Variants in OSTF1 observed in about 807,000 individuals in gnomAD.
OSTF1 encodes the protein osteoclast stimulating factor 1.
Under a neutral mutation model 37.2 loss-of-function variants are expected in OSTF1, and 27 were observed. That is an observed-to-expected ratio of 0.73 (90% CI 0.54 to 1.00). The LOEUF (loss-of-function observed/expected upper bound fraction) is 1.00, where lower values mean the gene tolerates loss of function less well. OSTF1 is among the 50% of genes least tolerant of loss of function. The pLI is 0.00. For synonymous variants in OSTF1, 82 were observed against 89.2 expected (o/e 0.92, Z 0.46); for missense variants, 232 against 253.8 (o/e 0.91, Z 0.58).
At chr9:75,140,562 C>A (rs892884107) in intron 8 of OSTF1, among the ~76,000 whole-genome samples, 68 of 152,180 alleles carry the variant, frequency 4.5e-4, no homozygotes, top group African/African-American at 1.6e-3. Flanking sequence ...CCACAGGGAC[C>A]ATAAACTCCT....
At chr9:75,111,568 A>C (rs1163707791) in intron 1 of OSTF1, among the ~76,000 whole-genome samples, 1 of 152,168 alleles carries the variant, frequency 6.6e-6, no homozygotes, top group Non-Finnish European at 1.5e-5. Context: ...AGCCTCAGAC[A>C]AAAGATTGGG....
intron 1 of OSTF1, among the ~76,000 whole-genome samples, chr9:75,108,334 T>TTAGTATTGG (rs144489393): frequency 0.13 from 19,166 of 151,944 alleles, 1,646 homozygotes; most frequent in African/African-American, 0.23. Context: ...ATGTGTGCCT[T>TTAGTATTGG]TCTGATTTGC....
chr9:75,090,455 A>G (rs976158834), intron 1 of OSTF1, among the ~76,000 whole-genome samples: 2 of 152,164 alleles, frequency 1.3e-5, no homozygotes, highest in Non-Finnish European at 2.9e-5. Flanking sequence ...ATGGTTAAAC[A>G]TGACAGGTGT....
Position 75,146,827 on chromosome 9 carries a change from A to G in OSTF1, c.*86A>G, listed in dbSNP as rs1826033619. The G allele has an allele frequency of 1.6e-5, 15 of 920,710 alleles. No individual in the cohort carries two copies. The highest frequency in any genetic ancestry group is 2.2e-5 in the Non-Finnish European group (13 of 578,756). 57.0% of individuals were successfully genotyped at this position (920,710 alleles called of 1,614,324 possible). A position where few individuals can be genotyped will look rare whatever the true frequency, so the allele number is the denominator to read the frequency against. On this transcript the variant is annotated 3_prime_UTR_variant, in exon 10 of 10. Coordinates refer to ENST00000346234, the MANE Select transcript of OSTF1 (RefSeq NM_012383.5). ...CTTTGCCAGAAAAGTGTTGGTAACTATAAAGAAAATTATATATGAACACGG... is the reference window on the plus strand; with the variant it reads ...CTTTGCCAGAAAAGTGTTGGTAACTGTAAAGAAAATTATATATGAACACGG...
rs376999083 is a variant in OSTF1 at position 75,137,635 on chromosome 9, T to C, written c.487+19T>C. On this transcript the variant is annotated intron_variant, in intron 8 of 9. Transcript: ENST00000346234. ...GCAAAAGGTAAAGTTTGTGCTGAGT[T>C]TATCTGGTCTTTGCTTGCCCTGAAA... The C allele has an allele frequency of 1.3e-5, 20 of 1,520,382 alleles. No homozygotes were observed. In the African/African-American group the frequency reaches 2.7e-4, roughly 21 times the overall value. The allele number at this position is 1,520,382 out of a possible 1,614,324, so 94.2% of individuals were successfully genotyped here.
chr9:75,136,164 G>A (rs1294325821), intron 7 of OSTF1, among the ~76,000 whole-genome samples: 2 of 152,128 alleles, frequency 1.3e-5, no homozygotes, highest in African/African-American at 2.4e-5. Flanking sequence ...TCTGTTATAA[G>A]CCCTTATTTT....
chr9:75,113,009 T>G (rs1825419229), intron 1 of OSTF1, among the ~76,000 whole-genome samples: 1 of 152,092 alleles, frequency 6.6e-6, no homozygotes, highest in African/African-American at 2.4e-5. Context: ...CTTTCTTCAG[T>G]CTATATGAGT....
Position 75,130,632 on chromosome 9 carries a change from A to G in OSTF1, c.187A>G (p.Ser63Gly), listed in dbSNP as rs777457920. 2.7e-5 allele frequency: 43 copies of G among 1,609,470 alleles called. No homozygotes were observed. The Middle Eastern group carries it at 4.9e-4, about 18-fold the overall frequency. Residue 63 changes from serine (S) to glycine (G), a missense_variant, in exon 4 of 10, where the codon AGC (serine) becomes GGC (glycine). Transcript: ENST00000346234. ...TSKGRTGLIPSNYVAEQAESI... is the reference protein window; with the variant it reads ...TSKGRTGLIPGNYVAEQAESI... ...CAAAGGCAGGACTGGACTAATTCCA[A>G]GCAACTATGGTAAGTGTTGCTGAGT...
intron 3 of OSTF1, 144 bp downstream of exon 3, chr9:75,127,763 A>G (rs943334641): frequency 2.0e-6 from 1 of 503,852 alleles, no homozygotes; most frequent in Non-Finnish European, 3.6e-6. Flanking sequence ...GTAGCATAAG[A>G]TTGAAAATAG....
At chr9:75,123,987 G>C (rs1825622964) in intron 2 of OSTF1, among the ~76,000 whole-genome samples, 2 of 152,210 alleles carry the variant, frequency 1.3e-5, no homozygotes, top group Admixed American at 6.5e-5. Flanking sequence ...CTGGCACTTA[G>C]TGGTCTTTCT....
intron 9 of OSTF1, among the ~76,000 whole-genome samples, chr9:75,143,535 T>C (rs1825977078): frequency 6.6e-6 from 1 of 152,232 alleles, no homozygotes; most frequent in African/African-American, 2.4e-5. Flanking sequence ...TTCGTGAACT[T>C]TATGTAAATG....
At chr9:75,100,729 C>CG (rs1554771016) in intron 1 of OSTF1, among the ~76,000 whole-genome samples, 9 of 97,422 alleles carry the variant, frequency 9.2e-5, no homozygotes, top group African/African-American at 1.5e-4. Flanking sequence ...AGACTCGTCT[C>CG]AAAAAAAAAA....
intron 1 of OSTF1, among the ~76,000 whole-genome samples, chr9:75,111,689 C>A (rs10869503): frequency 0.41 from 61,699 of 151,410 alleles, 13,277 homozygotes; most frequent in African/African-American, 0.54. Context: ...TTTGATGAGA[C>A]AATGATCAAG....
At chr9:75,127,409 T>C (rs556121581) in intron 2 of OSTF1, among the ~76,000 whole-genome samples, 160 bp from the exon 3 acceptor site, 1 of 152,328 alleles carries the variant, frequency 6.6e-6, no homozygotes, top group African/African-American at 2.4e-5. Context: ...CGTCTATTCA[T>C]GTGTTAATTT....
At chr9:75,097,757 T>G (rs1159482708) in intron 1 of OSTF1, among the ~76,000 whole-genome samples, 1 of 50,770 alleles carries the variant, frequency 2.0e-5, no homozygotes, top group African/African-American at 6.1e-5. Context: ...CGTCCCCTCT[T>G]TTTTTTTTTT....
chr9:75,125,215 T>C (rs1470422372), intron 2 of OSTF1, among the ~76,000 whole-genome samples: 3 of 152,068 alleles, frequency 2.0e-5, no homozygotes, highest in African/African-American at 4.8e-5. Context: ...GGGCGGGAGG[T>C]TGGGGCAGAG....
chr9:75,122,319 C>G (rs951185847), intron 2 of OSTF1, among the ~76,000 whole-genome samples: 9 of 152,184 alleles, frequency 5.9e-5, no homozygotes, highest in African/African-American at 1.9e-4. Flanking sequence ...AGGAGCCCAG[C>G]CCTGCCACTC....
At chr9:75,117,447 A>G in intron 1 of OSTF1, 57 bp from the exon 2 acceptor site, 1 of 1,254,334 alleles carries the variant, frequency 8.0e-7, no homozygotes, top group Middle Eastern at 1.9e-4. Flanking sequence ...GGATAATGCT[A>G]TTAAGAGCAA....
intron 1 of OSTF1, among the ~76,000 whole-genome samples, chr9:75,090,182 AT>A (rs372290475): frequency 1.3e-4 from 20 of 152,020 alleles, no homozygotes; most frequent in African/African-American, 4.6e-4. Flanking sequence ...TATTTATCTT[AT>A]TTTTTTCTGA....
Sources: allele counts gnomAD v4.1 joint callset (sites outside exome capture counted in the v4.1 genomes callset), GRCh38; gene constraint gnomAD v4.1.1; transcripts MANE v1.5; gene names NCBI Gene and HGNC (gene_info 2026-07-23, HGNC 2026-07-21).